The following MTHFD2L variants were observed in gnomAD, a reference collection of about 807,000 sequenced individuals.
MTHFD2L encodes the protein methylenetetrahydrofolate dehydrogenase (NADP+ dependent) 2 like, also known as bifunctional methylenetetrahydrofolate dehydrogenase/cyclohydrolase 2, mitochondrial.
MTHFD2L carries 29 observed loss-of-function variants against 34.9 expected under a neutral mutation model. The ratio of observed to expected loss-of-function variants is 0.83; its 90% CI spans 0.62 to 1.13. The LOEUF is 1.13. Among genes scored for constraint, MTHFD2L ranks in the 50% most tolerant of loss-of-function variants. The pLI, the probability that MTHFD2L is intolerant of heterozygous loss-of-function variation, is 0.00. For synonymous variants in MTHFD2L, 167 were observed against 155.7 expected (o/e 1.07, Z -0.54); for missense variants, 481 against 446.5 (o/e 1.08, Z -0.70).
chr4:74,262,998 A>G (rs1744864751), intron 6 of MTHFD2L, among the ~76,000 whole-genome samples: 1 of 151,844 alleles, frequency 6.6e-6, no homozygotes, highest in African/African-American at 2.4e-5. Context: ...TTATCTCTCA[A>G]CTCACCAAGT....
At chr4:74,149,840 CT>C (rs1723823278) in intron 1 of MTHFD2L, among the ~76,000 whole-genome samples, 1 of 152,162 alleles carries the variant, frequency 6.6e-6, no homozygotes. Context: ...GGTTTCAAAA[CT>C]TGTGAATATA....
intron 7 of MTHFD2L, among the ~76,000 whole-genome samples, chr4:74,297,884 T>C (rs181891679): frequency 6.6e-6 from 1 of 152,262 alleles, no homozygotes; most frequent in East Asian, 1.9e-4. Context: ...GAATTTTTGT[T>C]AAGCATTGAC....
chr4:74,167,101 A>G (rs904504165), intron 1 of MTHFD2L, among the ~76,000 whole-genome samples: 6 of 152,312 alleles, frequency 3.9e-5, no homozygotes, highest in Middle Eastern at 3.4e-3. Context: ...GACTACTCCT[A>G]TATACCCAGT....
chr4:74,201,506 A>AGTGAT lies in MTHFD2L; in HGVS notation c.712+141_712+145dup, dbSNP rs1199136328. On this transcript the variant is annotated intron_variant, in intron 5 of 7. Coordinates refer to ENST00000325278, the MANE Select transcript of MTHFD2L (RefSeq NM_001144978.3). ...TCAAAGTCTCCTTTATTCCTCATTT[A>AGTGAT]GTGATGTGAGAGTCTTGAAAGTGAC... 5.8e-5 allele frequency: 28 copies of AGTGAT among 485,870 alleles called. No individual in the cohort carries two copies. In the East Asian group the frequency reaches 9.4e-4, roughly 16 times the overall value. 30.1% of individuals were successfully genotyped at this position (485,870 alleles called of 1,614,324 possible).
chr4:74,293,226 G>A (rs1249246000), intron 7 of MTHFD2L, among the ~76,000 whole-genome samples: 2 of 151,980 alleles, frequency 1.3e-5, no homozygotes, highest in Non-Finnish European at 2.9e-5. Context: ...CCCAGTGTGT[G>A]ATGTTCCCCT....
At chr4:74,282,137 C>A (rs1163318101) in intron 7 of MTHFD2L, among the ~76,000 whole-genome samples, 1 of 152,056 alleles carries the variant, frequency 6.6e-6, no homozygotes, top group African/African-American at 2.4e-5. Flanking sequence ...AAAATTCTAA[C>A]CCAGTCTTCT....
chr4:74,174,912 T>C (rs1357117398), intron 2 of MTHFD2L, among the ~76,000 whole-genome samples: 3 of 152,186 alleles, frequency 2.0e-5, no homozygotes, highest in Non-Finnish European at 4.4e-5. Flanking sequence ...TGGCAAGATA[T>C]GCAAAGGATA....
chr4:74,269,406 G>A (rs1319496976), intron 6 of MTHFD2L, among the ~76,000 whole-genome samples: 1 of 151,950 alleles, frequency 6.6e-6, no homozygotes, highest in East Asian at 1.9e-4. Context: ...TCAGAATTTG[G>A]AGTTAATATA....
chr4:74,128,766 A>C (rs1264717582), intron 1 of MTHFD2L, among the ~76,000 whole-genome samples: 2 of 152,058 alleles, frequency 1.3e-5, no homozygotes, highest in Non-Finnish European at 2.9e-5. Flanking sequence ...GAAAGTCAGA[A>C]TTTTGACAGG....
intron 1 of MTHFD2L, among the ~76,000 whole-genome samples, chr4:74,164,189 A>G (rs1726138598): frequency 6.6e-6 from 1 of 152,186 alleles, no homozygotes; most frequent in Non-Finnish European, 1.5e-5. Context: ...TTTTTTCAAC[A>G]TTATAGAGAT....
rs1750385091 is a variant in MTHFD2L, at chr4:74,302,025, A to T, written c.*216A>T. The T allele has an allele frequency of 2.6e-6, 1 of 378,256 alleles. No individual in the cohort carries two copies. Among genetic ancestry groups the T allele is most frequent in the African/African-American group, 2.1e-5 (1 of 47,762 alleles). The allele number at this position is 378,256 out of a possible 1,614,324, so 23.4% of individuals were successfully genotyped here. ...AAACAACCAAAACAATTCCAATGAA[A>T]ATTTTAGTAACAATTGTTTATTTTG... On this transcript the variant is annotated 3_prime_UTR_variant, in exon 8 of 8. Transcript: ENST00000325278.
intron 2 of MTHFD2L, 83 bp from the exon 3 acceptor site, chr4:74,175,198 C>G: frequency 7.1e-7 from 1 of 1,418,286 alleles, no homozygotes; most frequent in Non-Finnish European, 9.6e-7. Flanking sequence ...GCAGTAGGAA[C>G]AGTCCCACAC....
chr4:74,167,339 ACTT>A (rs1726931423), intron 1 of MTHFD2L, among the ~76,000 whole-genome samples: 1 of 152,252 alleles, frequency 6.6e-6, no homozygotes, highest in Non-Finnish European at 1.5e-5. Flanking sequence ...ATAGGCGCCT[ACTT>A]CTTCAAGCGA....
intron 7 of MTHFD2L, among the ~76,000 whole-genome samples, chr4:74,285,465 A>G (rs6854723): frequency 0.2 from 30,897 of 152,048 alleles, 3,151 homozygotes; most frequent in Non-Finnish European, 0.22. Context: ...TTCAGTTCTC[A>G]ATGTTTCCAA....
chr4:74,243,960 G>A (rs1164376650), intron 6 of MTHFD2L, among the ~76,000 whole-genome samples: 1 of 152,174 alleles, frequency 6.6e-6, no homozygotes, highest in African/African-American at 2.4e-5. Context: ...GTTGGTAGGT[G>A]TGACGGAACA....
intron 6 of MTHFD2L, among the ~76,000 whole-genome samples, chr4:74,230,376 G>T (rs1560511494): frequency 6.6e-6 from 1 of 151,918 alleles, no homozygotes; most frequent in Non-Finnish European, 1.5e-5. Flanking sequence ...GATCACCTGT[G>T]GTCAGGAGTT....
intron 5 of MTHFD2L, among the ~76,000 whole-genome samples, chr4:74,213,959 A>G (rs1306262056): frequency 6.6e-6 from 1 of 151,366 alleles, no homozygotes; most frequent in Non-Finnish European, 1.5e-5. Context: ...AATTAAGTTG[A>G]TCTTCAATGT....
rs1745616903 is a variant in MTHFD2L at position 74,268,814 on chromosome 4, A to C, written c.806-12611A>C. 2.6e-5 allele frequency among the ~76,000 whole-genome samples: 4 copies of C among 152,162 alleles called. No individual in the cohort carries two copies. The South Asian group carries it at 8.3e-4, about 32-fold the overall frequency. ...GAGAATAAGGATATAGCCTCCCACT[A>C]GCTGAAGAGCTAATGGTCACACCTT... On this transcript the variant is annotated intron_variant, in intron 6 of 7. Transcript: ENST00000325278.
Position 74,299,065 on chromosome 4 carries a change from T to C in MTHFD2L, c.932-2632T>C, listed in dbSNP as rs548596394. 3.0e-4 allele frequency among the ~76,000 whole-genome samples: 45 copies of C among 152,006 alleles called. No individual in the cohort carries two copies. The Admixed American group carries it at 3.0e-3, about 10-fold the overall frequency. On this transcript the variant is annotated intron_variant, in intron 7 of 7. Transcript: ENST00000325278. The stretch of plus-strand genomic sequence containing the variant: ...AATTGATAGTAGCTATGGTTTTTAC[T>C]ATTTTTTTCATAGACAAATAATATC...
Sources: gnomAD v4.1 joint callset for allele counts (sites outside exome capture counted in the v4.1 genomes callset) on GRCh38, gnomAD v4.1.1 for gene constraint, MANE v1.5 for transcripts, NCBI Gene and HGNC (gene_info 2026-07-23, HGNC 2026-07-21) for gene names.